The following LRRFIP1 variants were observed in gnomAD, a reference collection of about 807,000 sequenced individuals.
LRRFIP1 encodes LRR binding FLII interacting protein 1.
A neutral mutation model predicts 104.4 loss-of-function variants in LRRFIP1; 62 were observed. The ratio of observed to expected loss-of-function variants is 0.59; its 90% CI spans 0.48 to 0.73. LRRFIP1 has a LOEUF of 0.73. Ranked by LOEUF, LRRFIP1 falls within the 30% of genes least tolerant of loss-of-function variation. LRRFIP1 has a pLI of 0.00. For missense variants in LRRFIP1, 796 were observed against 824.5 expected, an observed-to-expected ratio of 0.97 and a Z score of 0.42; for synonymous variants, 300 against 299.0, an observed-to-expected ratio of 1.00 and a Z score of -0.03.
chr2:237,731,021 T>A (rs2094980452), intron 8 of LRRFIP1, among the ~76,000 whole-genome samples: 1 of 152,156 alleles, frequency 6.6e-6, no homozygotes, highest in Admixed American at 6.5e-5. Context: ...AAGTAGCCAT[T>A]TGAGCAGAGC....
At chr2:237,731,337 C>T (rs1206337345) in intron 8 of LRRFIP1, among the ~76,000 whole-genome samples, 1 of 152,082 alleles carries the variant, frequency 6.6e-6, no homozygotes, top group African/African-American at 2.4e-5. Context: ...GCACTTCTTC[C>T]TCACCTCTTC....
At chr2:237,676,990 C>T (rs922225916) in intron 1 of LRRFIP1, among the ~76,000 whole-genome samples, 1 of 152,216 alleles carries the variant, frequency 6.6e-6, no homozygotes, top group Admixed American at 6.5e-5. Flanking sequence ...ATTACATAAA[C>T]AAAAGGGTAA....
At chr2:237,763,746 A>G in intron 19 of LRRFIP1, 3 of 1,614,250 alleles carry the variant, frequency 1.9e-6, no homozygotes, top group Non-Finnish European at 2.5e-6. Context: ...GACACATTAG[A>G]TTTTGAGGAT....
chr2:237,764,192 C>CT (rs2060123713), intron 19 of LRRFIP1: 2 of 1,613,890 alleles, frequency 1.2e-6, no homozygotes, highest in Non-Finnish European at 1.7e-6. Context: ...GTGAAGGGGT[C>CT]TTTTCTCTCC....
intron 1 of LRRFIP1, among the ~76,000 whole-genome samples, chr2:237,679,609 C>T (rs993928239): frequency 1.3e-5 from 2 of 152,138 alleles, no homozygotes; most frequent in South Asian, 2.1e-4. Flanking sequence ...TATATCCTAC[C>T]GTAATGATTT....
chr2:237,727,970 A>G (rs1559695773), intron 8 of LRRFIP1, 35 bp downstream of exon 8: 1 of 1,488,964 alleles, frequency 6.7e-7, no homozygotes, highest in South Asian at 1.2e-5. Context: ...TCAAAATTCA[A>G]ATAGGTTGTT....
Position 237,627,681 on chromosome 2 carries a change from C to A in LRRFIP1, c.37C>A (p.Leu13Ile). ...CACCCAGGGATCGGGGCGCAAGCGG[C>A]TCCCCAACCGGGAGCGGCTCACGGC... is the stretch of plus-strand genomic sequence containing the variant. Reference protein sequence around the residue: ...MGTQGSGRKRLPNRERLTAED... With the variant: ...MGTQGSGRKRIPNRERLTAED... Residue 13 changes from leucine (L) to isoleucine (I), a missense_variant, in exon 1 of 24, where the codon CTC becomes ATC. Coordinates refer to ENST00000308482, the MANE Select transcript of LRRFIP1 (RefSeq NM_001137550.2). The A allele has an allele frequency of 7.3e-7, 1 of 1,369,264 alleles. No individual in the cohort carries two copies. 84.8% of individuals were successfully genotyped at this position (1,369,264 alleles called of 1,614,324 possible).
chr2:237,627,747 G>A lies in LRRFIP1; in HGVS notation c.96+7G>A, dbSNP rs556397609. On this transcript the variant is annotated splice_region_variant and intron_variant, in intron 1 of 23. Transcript: ENST00000308482. ...CAACCAGATCGCGCGGGAGGTGAGC[G>A]CTCCGGGAGGGCAGCCGGGGGGCGC... 1,992 of 1,262,312 alleles carry A rather than the reference G, an allele frequency of 1.6e-3. 25 individuals carry two copies. The African/African-American group carries it at 0.026, about 16-fold the overall frequency. The allele number at this position is 1,262,312 out of a possible 1,614,324, so 78.2% of individuals were successfully genotyped here.
chr2:237,691,051 T>C lies in LRRFIP1; in HGVS notation c.97-17493T>C, dbSNP rs995313632. 6.6e-6 allele frequency among the ~76,000 whole-genome samples: 1 copy of C among 151,666 alleles called. No homozygotes were observed. The highest frequency in any genetic ancestry group is 6.6e-5 in the Admixed American group (1 of 15,258). The stretch of plus-strand genomic sequence containing the variant: ...CCTGACAACTCCTGCCCTGAAGCCC[T>C]GGGCCCGGGTCACGGCGGGAAGGTG... On this transcript the variant is annotated intron_variant, in intron 1 of 23. Transcript: ENST00000308482. The surrounding 1 kb of genome is among the most constrained non-coding windows in gnomAD (Gnocchi z 5.4).
intron 3 of LRRFIP1, among the ~76,000 whole-genome samples, chr2:237,715,766 C>CT (rs1453370551): frequency 3.9e-5 from 6 of 152,238 alleles, no homozygotes; most frequent in African/African-American, 1.4e-4. Context: ...TCCTGCTTCC[C>CT]TCCGCATGGC....
chr2:237,728,657 T>C (rs1234996860), intron 8 of LRRFIP1, among the ~76,000 whole-genome samples: 1 of 152,248 alleles, frequency 6.6e-6, no homozygotes, highest in Non-Finnish European at 1.5e-5. Flanking sequence ...TGAAATGGTC[T>C]AAAAATTTCC....
intron 3 of LRRFIP1, among the ~76,000 whole-genome samples, chr2:237,716,821 C>T (rs1212734911): frequency 6.6e-6 from 1 of 152,156 alleles, no homozygotes; most frequent in African/African-American, 2.4e-5. Context: ...TTGGGATTCC[C>T]TGATTGAGTG....
chr2:237,704,236 T>C (rs2093693475), intron 1 of LRRFIP1, among the ~76,000 whole-genome samples: 1 of 143,568 alleles, frequency 7.0e-6, no homozygotes, highest in Admixed American at 7.3e-5. Context: ...CACCGCAACC[T>C]CCACCTCCCA....
intron 1 of LRRFIP1, among the ~76,000 whole-genome samples, chr2:237,629,658 G>A (rs2082077843): frequency 6.6e-6 from 1 of 152,016 alleles, no homozygotes; most frequent in Admixed American, 6.5e-5. Context: ...TTTTAATAGA[G>A]ACGGGGTTTC....
chr2:237,727,192 C>T (rs1171610336), intron 7 of LRRFIP1, among the ~76,000 whole-genome samples: 4 of 151,972 alleles, frequency 2.6e-5, no homozygotes, highest in Admixed American at 2.0e-4. Flanking sequence ...CCCGTCTCTA[C>T]TAAAAATGCA....
intron 1 of LRRFIP1, among the ~76,000 whole-genome samples, chr2:237,674,272 G>C (rs56100702): frequency 6.6e-6 from 1 of 152,098 alleles, no homozygotes; most frequent in Non-Finnish European, 1.5e-5. Flanking sequence ...GGTATTACAG[G>C]AAAGAGCTCT....
chr2:237,755,475 G>A (rs2059155520), intron 15 of LRRFIP1, among the ~76,000 whole-genome samples: 1 of 152,236 alleles, frequency 6.6e-6, no homozygotes, highest in Non-Finnish European at 1.5e-5. Context: ...GCACAGTGCT[G>A]TGGAAGACAC....
At chr2:237,764,803 C>T (rs2060152411) in intron 19 of LRRFIP1, 1 of 985,696 alleles carries the variant, frequency 1.0e-6, no homozygotes, top group Non-Finnish European at 1.2e-6. Flanking sequence ...ACTTTTGGAT[C>T]TCATTGTTGA....
At chr2:237,748,439 G>A in intron 12 of LRRFIP1, 40 bp downstream of exon 12, 1 of 1,540,312 alleles carries the variant, frequency 6.5e-7, no homozygotes. Flanking sequence ...CCCAAAAGTT[G>A]TGGATGAAAT....
Sources: allele counts gnomAD v4.1 joint callset (sites outside exome capture counted in the v4.1 genomes callset), GRCh38; gene constraint gnomAD v4.1.1; non-coding constraint Gnocchi (gnomAD v3.1); transcripts MANE v1.5; gene names NCBI Gene and HGNC (gene_info 2026-07-23, HGNC 2026-07-21).